The following SHTN1 variants were observed in gnomAD, a reference collection of about 807,000 sequenced individuals.
The protein encoded by SHTN1 is shootin-1.
Under a neutral mutation model 83.1 loss-of-function variants are expected in SHTN1, and 42 were observed. The ratio of observed to expected loss-of-function variants is 0.51; its 90% CI spans 0.39 to 0.65. SHTN1 has a LOEUF of 0.65. SHTN1 is among the 30% of genes least tolerant of loss of function. SHTN1 has a pLI of 0.00. For missense variants in SHTN1, 622 were observed against 737.8 expected (o/e 0.84, Z 1.82); for synonymous variants, 224 against 247.7 (o/e 0.90, Z 0.90).
At chr10:116,892,191 T>C (rs1005290892) in intron 16 of SHTN1, among the ~76,000 whole-genome samples, 5 of 152,188 alleles carry the variant, frequency 3.3e-5, no homozygotes, top group African/African-American at 1.2e-4. Context: ...AATGCAATGC[T>C]AGGGAGCCTT....
intron 16 of SHTN1, chr10:116,900,523 T>G (rs1264725629): frequency 6.5e-7 from 1 of 1,528,470 alleles, no homozygotes; most frequent in Non-Finnish European, 8.8e-7. Context: ...AGTTGCAGTA[T>G]TTTCTGATTC....
intron 1 of SHTN1, among the ~76,000 whole-genome samples, chr10:116,994,346 A>G (rs1262128584): frequency 6.6e-6 from 1 of 152,146 alleles, no homozygotes; most frequent in Non-Finnish European, 1.5e-5. Flanking sequence ...GGTTAAACTA[A>G]CAAAAGTTGA....
chr10:117,058,545 T>C (rs1852857442), intron 1 of SHTN1, among the ~76,000 whole-genome samples: 1 of 152,156 alleles, frequency 6.6e-6, no homozygotes, highest in Non-Finnish European at 1.5e-5. Context: ...CTGGTGGGGA[T>C]AGGAGAAATT....
chr10:117,024,156 G>A lies in SHTN1; in HGVS notation c.-123+24289C>T, dbSNP rs191947128. ...GAAGCGGCCTTACACAAGAGTACAC[G>A]TTCCATTTTATGAAATTCTAGAATA... On this transcript the variant is annotated intron_variant, in intron 2 of 17. Transcript: ENST00000392901. Among the ~76,000 whole-genome samples the A allele has an allele frequency of 8.1e-4, 123 of 152,086 alleles. 1 individual carries two copies. The highest frequency in any genetic ancestry group is 2.9e-3 in the African/African-American group (122 of 41,486).
intron 5 of SHTN1, among the ~76,000 whole-genome samples, chr10:116,952,890 A>C (rs938049207): frequency 6.6e-6 from 1 of 152,224 alleles, no homozygotes; most frequent in African/African-American, 2.4e-5. Flanking sequence ...TTATTTCTGA[A>C]TCACTTTCTC....
intron 1 of SHTN1, among the ~76,000 whole-genome samples, chr10:117,069,094 C>T (rs1371113347): frequency 6.6e-6 from 1 of 152,030 alleles, no homozygotes; most frequent in Non-Finnish European, 1.5e-5. Flanking sequence ...CTGAAAAGAC[C>T]ATGAAAACTC....
intron 2 of SHTN1, among the ~76,000 whole-genome samples, chr10:116,978,811 G>A (rs527901392): frequency 6.6e-6 from 1 of 152,296 alleles, no homozygotes; most frequent in South Asian, 2.1e-4. Flanking sequence ...AATAGAAGAA[G>A]CAGACATATA....
chr10:117,036,681 A>G (rs1564937619), intron 2 of SHTN1, among the ~76,000 whole-genome samples: 1 of 152,326 alleles, frequency 6.6e-6, no homozygotes, highest in East Asian at 1.9e-4. Context: ...GGGTACAAAA[A>G]AATAATTAGA....
chr10:117,031,570 A>G (rs1193808912), intron 2 of SHTN1, among the ~76,000 whole-genome samples: 7 of 152,236 alleles, frequency 4.6e-5, no homozygotes, highest in African/African-American at 1.7e-4. Context: ...ACAATAACAT[A>G]TAAATAGAAA....
intron 14 of SHTN1, among the ~76,000 whole-genome samples, chr10:116,906,969 G>A (rs1312220087): frequency 1.3e-5 from 2 of 152,154 alleles, no homozygotes; most frequent in African/African-American, 2.4e-5. Context: ...GCTAGCTTTT[G>A]TTTCAGAAGA....
intron 9 of SHTN1, among the ~76,000 whole-genome samples, chr10:116,931,844 T>C (rs1473786703): frequency 3.9e-5 from 6 of 152,218 alleles, no homozygotes; most frequent in African/African-American, 1.4e-4. Context: ...CTTTAACTTT[T>C]GCTGTATTTT....
intron 9 of SHTN1, among the ~76,000 whole-genome samples, chr10:116,936,809 A>G (rs1381614391): frequency 6.6e-6 from 1 of 152,024 alleles, no homozygotes; most frequent in Non-Finnish European, 1.5e-5. Context: ...ATCTCTTTAT[A>G]TGTCTCTAAG....
At chr10:116,902,514 G>C (rs1299849979) in intron 15 of SHTN1, among the ~76,000 whole-genome samples, 1 of 152,160 alleles carries the variant, frequency 6.6e-6, no homozygotes, top group East Asian at 1.9e-4. Context: ...AAGTGGGAAA[G>C]AGTTTGGCTA....
intron 1 of SHTN1, among the ~76,000 whole-genome samples, chr10:117,112,605 G>C (rs1853784107): frequency 6.6e-6 from 1 of 152,206 alleles, no homozygotes; most frequent in Non-Finnish European, 1.5e-5. Context: ...GGCTCAGATA[G>C]ACTTAGTGAT....
intron 2 of SHTN1, among the ~76,000 whole-genome samples, chr10:117,024,900 A>T (rs1357809250): frequency 6.6e-6 from 1 of 152,216 alleles, no homozygotes; most frequent in Non-Finnish European, 1.5e-5. Context: ...TATTCACTGT[A>T]CAATTCTTTC....
At chr10:116,969,889 T>C (rs1850543612) in intron 2 of SHTN1, among the ~76,000 whole-genome samples, 1 of 152,228 alleles carries the variant, frequency 6.6e-6, no homozygotes, top group African/African-American at 2.4e-5. Context: ...AAGTAATTTC[T>C]AGCTATTAGA....
intron 2 of SHTN1, among the ~76,000 whole-genome samples, chr10:117,030,029 C>T (rs568839545): frequency 6.6e-6 from 1 of 152,024 alleles, no homozygotes; most frequent in African/African-American, 2.4e-5. Flanking sequence ...TCTGGGCCTA[C>T]AGGTGCATGC....
intron 1 of SHTN1, among the ~76,000 whole-genome samples, chr10:117,084,801 A>G (rs976892666): frequency 3.3e-5 from 5 of 152,200 alleles, no homozygotes; most frequent in African/African-American, 1.2e-4. Context: ...CCGATTTTCC[A>G]GGTGCCGTCC....
chr10:117,103,706 T>G (rs911587765), intron 1 of SHTN1, among the ~76,000 whole-genome samples: 5 of 151,422 alleles, frequency 3.3e-5, no homozygotes, highest in South Asian at 2.1e-4. Flanking sequence ...CCGGCCAATT[T>G]TTTGTATTTT....
Sources: allele counts gnomAD v4.1 joint callset (sites outside exome capture counted in the v4.1 genomes callset), GRCh38; gene constraint gnomAD v4.1.1; transcripts MANE v1.5; gene names NCBI Gene and HGNC (gene_info 2026-07-23, HGNC 2026-07-21).